FKBP5: variants seen among roughly 807,000 people sequenced by gnomAD.
FKBP5 encodes FKBP prolyl isomerase 5, also known as peptidyl-prolyl cis-trans isomerase FKBP5.
FKBP5 carries 23 observed loss-of-function variants against 50.5 expected under a neutral mutation model. That is an observed-to-expected ratio of 0.46 (90% CI 0.33 to 0.65). The LOEUF is 0.65. Ranked by LOEUF, FKBP5 falls within the 30% of genes least tolerant of loss-of-function variation. FKBP5 has a pLI of 0.02. For missense variants in FKBP5, 411 were observed against 553.1 expected (o/e 0.74, Z 2.58); for synonymous variants, 176 against 190.6 (o/e 0.92, Z 0.63).
chr6:35,649,967 AT>A (rs1764749332), intron 1 of FKBP5, among the ~76,000 whole-genome samples: 2 of 152,276 alleles, frequency 1.3e-5, no homozygotes, highest in African/African-American at 4.8e-5. Context: ...TTTGAAAAGC[AT>A]GAGATAAATC....
At position 35,595,230 on chromosome 6, in the gene FKBP5, AATT is replaced by A. The variant is rs1762952515; in HGVS notation, c.665+2015_665+2017del. Among the ~76,000 whole-genome samples, 40 of 152,302 alleles carry A rather than the reference AATT, an allele frequency of 2.6e-4. 1 individual carries two copies. The highest frequency in any genetic ancestry group is 2.4e-3 in the Admixed American group (36 of 15,302). ...TGTTTGCGTTAAAAAATTTAAAGAC[AATT>A]TCTATTTTTCTTTGTCACTAAACTT... is the stretch of plus-strand genomic sequence containing the variant. On this transcript the variant is annotated intron_variant, in intron 6 of 10. Coordinates refer to ENST00000357266, the MANE Select transcript of FKBP5 (RefSeq NM_004117.4).
intron 2 of FKBP5, among the ~76,000 whole-genome samples, chr6:35,700,493 C>G (rs142577624): frequency 6.6e-6 from 1 of 152,300 alleles, no homozygotes; most frequent in African/African-American, 2.4e-5. Flanking sequence ...AGTGATTTGT[C>G]AGGGTATCCA....
intron 1 of FKBP5, among the ~76,000 whole-genome samples, chr6:35,727,962 C>A (rs1212991139): frequency 6.6e-6 from 1 of 152,200 alleles, no homozygotes; most frequent in Non-Finnish European, 1.5e-5. Context: ...GGCCCACGCG[C>A]GCCCCGGAGG....
intron 2 of FKBP5, among the ~76,000 whole-genome samples, chr6:35,708,776 G>GTTTC (rs1159067223): frequency 6.6e-6 from 1 of 151,942 alleles, no homozygotes; most frequent in East Asian, 1.9e-4. Context: ...TTGTTTGTTT[G>GTTTC]TTTTGCTGGA....
intron 3 of FKBP5, among the ~76,000 whole-genome samples, chr6:35,621,488 C>T (rs541136696): frequency 9.2e-5 from 14 of 151,646 alleles, no homozygotes; most frequent in African/African-American, 2.2e-4. Flanking sequence ...CATGGTAGTG[C>T]GTGCCTGTAA....
Position 35,660,953 on chromosome 6 carries a change from A to G in FKBP5, c.-19-18110T>C, listed in dbSNP as rs546551040. The stretch of plus-strand genomic sequence containing the variant: ...CCCATTTATACGAAAGGTTCAGAAT[A>G]GGCAAATTCATAGAGACAGAAAGGA... On this transcript the variant is annotated intron_variant, in intron 1 of 10. Coordinates refer to ENST00000357266, the MANE Select transcript of FKBP5 (RefSeq NM_004117.4). Among the ~76,000 whole-genome samples the G allele has an allele frequency of 2.3e-4, 19 of 83,390 alleles. 6 individuals carry two copies. The highest frequency in any genetic ancestry group is 7.0e-4 in the African/African-American group (19 of 26,962). 54.7% of individuals were successfully genotyped at this position (83,390 alleles called of 152,430 possible). A position where few individuals can be genotyped will look rare whatever the true frequency, so the allele number is the denominator to read the frequency against.
At chr6:35,655,918 C>T (rs1367068416) in intron 1 of FKBP5, among the ~76,000 whole-genome samples, 2 of 152,048 alleles carry the variant, frequency 1.3e-5, no homozygotes, top group East Asian at 3.8e-4. Context: ...GCAGATTTAC[C>T]TTATTAATTA....
intron 1 of FKBP5, among the ~76,000 whole-genome samples, chr6:35,683,326 A>C (rs1315932172): frequency 6.6e-6 from 1 of 151,642 alleles, no homozygotes; most frequent in Middle Eastern, 3.2e-3. Flanking sequence ...AGAACTTTAT[A>C]TTTTTTGTAG....
intron 1 of FKBP5, among the ~76,000 whole-genome samples, chr6:35,665,505 G>A (rs1765191086): frequency 6.6e-6 from 1 of 152,032 alleles, no homozygotes; most frequent in African/African-American, 2.4e-5. Flanking sequence ...TTGCCAGAAT[G>A]GTCTCAATCT....
At chr6:35,585,457 A>C in intron 8 of FKBP5, 1 of 985,334 alleles carries the variant, frequency 1.0e-6, no homozygotes. Context: ...GGCTGGAAAG[A>C]AACTTGGGGA....
intron 1 of FKBP5, among the ~76,000 whole-genome samples, chr6:35,644,470 C>T (rs971574344): frequency 1.3e-5 from 2 of 152,186 alleles, no homozygotes. Flanking sequence ...CAAATGACCA[C>T]TATTCAGTTC....
chr6:35,641,992 CAAAAT>C (rs373570754), intron 2 of FKBP5, among the ~76,000 whole-genome samples: 8,903 of 140,286 alleles, frequency 0.063, 291 homozygotes, highest in Middle Eastern at 0.085. Context: ...GACTCTGTCT[CAAAAT>C]AAAATAAAAT....
intron 5 of FKBP5, among the ~76,000 whole-genome samples, chr6:35,598,189 G>C (rs1380697105): frequency 1.3e-5 from 2 of 152,048 alleles, no homozygotes; most frequent in Non-Finnish European, 2.9e-5. Flanking sequence ...AGACAAAATA[G>C]AAAAAATGCA....
At chr6:35,578,624 C>T (rs541174673) in intron 9 of FKBP5, among the ~76,000 whole-genome samples, 6 of 151,854 alleles carry the variant, frequency 4.0e-5, no homozygotes, top group African/African-American at 1.4e-4. Context: ...AAAAATTAGC[C>T]TGGTGTGGTG....
chr6:35,681,196 A>T (rs898554964), intron 1 of FKBP5, among the ~76,000 whole-genome samples: 1 of 152,216 alleles, frequency 6.6e-6, no homozygotes, highest in African/African-American at 2.4e-5. Flanking sequence ...TTTACATACT[A>T]TAAAATCTTA....
intron 5 of FKBP5, among the ~76,000 whole-genome samples, chr6:35,602,557 G>A (rs1581803408): frequency 6.6e-6 from 1 of 151,978 alleles, no homozygotes; most frequent in Admixed American, 6.6e-5. Flanking sequence ...CTTTCTGCCT[G>A]TGTCTCCTGC....
In FKBP5 at chr6:35,683,120, A is replaced by ATGTGTGTGTGTG. The variant is rs35830022; in HGVS notation, c.-20+5672_-20+5683dup. ...AGTGTGTGTGTATATATATACGTAT[A>ATGTGTGTGTGTG]TGTGTGTGTGTGTGTGTGTGTGTGT... On this transcript the variant is annotated intron_variant, in intron 1 of 10. Transcript: ENST00000357266. 1.6e-3 allele frequency among the ~76,000 whole-genome samples: 128 copies of ATGTGTGTGTGTG among 80,674 alleles called. 1 individual carries two copies. The highest frequency in any genetic ancestry group is 2.4e-3 in the Non-Finnish European group (97 of 39,958). The allele number at this position is 80,674 out of a possible 152,430, so 52.9% of individuals were successfully genotyped here.
At chr6:35,690,442 GC>G (rs1765962942), upstream of FKBP5, among the ~76,000 whole-genome samples, 1 of 151,812 alleles carries the variant, frequency 6.6e-6, no homozygotes, top group African/African-American at 2.4e-5. Context: ...TCCAGCCTGG[GC>G]AACAAGAGCG....
At chr6:35,673,374 A>AC (rs930810844) in intron 1 of FKBP5, among the ~76,000 whole-genome samples, 19 of 152,200 alleles carry the variant, frequency 1.2e-4, no homozygotes, top group African/African-American at 4.6e-4. Context: ...ACAGAGTGAG[A>AC]CCCCATCTCT....
Sources: gnomAD v4.1 joint callset for allele counts (sites outside exome capture counted in the v4.1 genomes callset) on GRCh38, gnomAD v4.1.1 for gene constraint, MANE v1.5 for transcripts, NCBI Gene and HGNC (gene_info 2026-07-23, HGNC 2026-07-21) for gene names.